ELMO1: variants seen among roughly 807,000 people sequenced by gnomAD.
ELMO1 encodes the protein engulfment and cell motility 1, also known as engulfment and cell motility protein 1.
In ELMO1, 26 loss-of-function variants were observed where a neutral mutation model predicts 98.9. The observed-to-expected ratio is 0.26, with a 90% CI of 0.19 to 0.36. The LOEUF is 0.36. ELMO1 is among the 10% of genes least tolerant of loss of function. ELMO1 has a pLI of 1.00. For missense variants in ELMO1, 627 were observed against 935.2 expected (o/e 0.67, Z 4.30); for synonymous variants, 346 against 346.0 (o/e 1.00, Z 0.00).
At chr7:37,423,861 C>A (rs1356128053) in intron 1 of ELMO1, among the ~76,000 whole-genome samples, 1 of 152,152 alleles carries the variant, frequency 6.6e-6, no homozygotes, top group Non-Finnish European at 1.5e-5. Flanking sequence ...TGCCCTCTAC[C>A]AGAGAAGTCG....
At chr7:37,162,500 T>C (rs1415653328) in intron 13 of ELMO1, among the ~76,000 whole-genome samples, 1 of 152,214 alleles carries the variant, frequency 6.6e-6, no homozygotes, top group Non-Finnish European at 1.5e-5. Context: ...GTCGTAAACA[T>C]GCATTTTCAT....
At position 37,169,504 on chromosome 7, in the gene ELMO1, T is replaced by G. The variant is rs1338125485; in HGVS notation, c.1087-36270A>C. On this transcript the variant is annotated intron_variant, in intron 13 of 21. Coordinates refer to ENST00000310758, the MANE Select transcript of ELMO1 (RefSeq NM_014800.11). ...CTTGGCTCCTCCCTGGGAAAAAATT[T>G]TTTTAACCTGCCACTTCAAATGTTC... Among the ~76,000 whole-genome samples the G allele has an allele frequency of 5.3e-5, 8 of 152,202 alleles. 1 individual carries two copies. Among genetic ancestry groups the G allele is most frequent in the Non-Finnish European group, 1.2e-4 (8 of 68,028 alleles).
At chr7:37,433,037 CTAGGGT>C in intron 1 of ELMO1, among the ~76,000 whole-genome samples, 1 of 152,162 alleles carries the variant, frequency 6.6e-6, no homozygotes, top group Non-Finnish European at 1.5e-5. Context: ...CTGTTGCCTC[CTAGGGT>C]TAGGGCATTG....
intron 14 of ELMO1, among the ~76,000 whole-genome samples, chr7:37,125,132 A>G (rs973542134): frequency 4.6e-5 from 7 of 152,180 alleles, no homozygotes; most frequent in Non-Finnish European, 5.9e-5. Flanking sequence ...TACAAAAATT[A>G]ATTCAAGATG....
intron 16 of ELMO1, among the ~76,000 whole-genome samples, chr7:36,900,814 T>G (rs1806448065): frequency 6.6e-6 from 1 of 152,122 alleles, no homozygotes; most frequent in Non-Finnish European, 1.5e-5. Flanking sequence ...TAAAAATGAC[T>G]CATGTGGGGG....
At chr7:37,240,536 AT>A (rs1794713148) in intron 7 of ELMO1, among the ~76,000 whole-genome samples, 1 of 151,058 alleles carries the variant, frequency 6.6e-6, no homozygotes, top group African/African-American at 2.4e-5. Flanking sequence ...CTTAATTCAC[AT>A]TTTTTAAAGC....
intron 1 of ELMO1, among the ~76,000 whole-genome samples, chr7:37,372,731 CA>C (rs1192762618): frequency 6.6e-6 from 1 of 152,190 alleles, no homozygotes; most frequent in African/African-American, 2.4e-5. Context: ...TACTTTCTGC[CA>C]GTCCCTTCAG....
At chr7:37,409,059 G>A (rs556450749) in intron 1 of ELMO1, among the ~76,000 whole-genome samples, 1 of 151,156 alleles carries the variant, frequency 6.6e-6, no homozygotes, top group South Asian at 2.1e-4. Context: ...AAAGCACAGA[G>A]TTCAGAACAA....
chr7:36,913,329 A>G (rs1784464867), intron 16 of ELMO1, among the ~76,000 whole-genome samples: 1 of 152,212 alleles, frequency 6.6e-6, no homozygotes, highest in Non-Finnish European at 1.5e-5. Flanking sequence ...AGGAATGTCA[A>G]CAAGGTTAGA....
chr7:37,040,056 GTA>G (rs1355086539), intron 15 of ELMO1, among the ~76,000 whole-genome samples: 2 of 152,136 alleles, frequency 1.3e-5, no homozygotes, highest in Non-Finnish European at 2.9e-5. Flanking sequence ...GTGTGTGTGT[GTA>G]TGTGTGCGGA....
intron 13 of ELMO1, among the ~76,000 whole-genome samples, chr7:37,208,914 T>C (rs1007391475): frequency 1.6e-4 from 25 of 152,186 alleles, no homozygotes; most frequent in Admixed American, 1.0e-3. Context: ...TCTCTTATGA[T>C]TATTCTCTGT....
At chr7:36,924,905 A>G (rs1463938457) in intron 16 of ELMO1, among the ~76,000 whole-genome samples, 1 of 152,182 alleles carries the variant, frequency 6.6e-6, no homozygotes, top group Non-Finnish European at 1.5e-5. Context: ...CTGTGGAGGA[A>G]AAAAAGCTGA....
intron 10 of ELMO1, among the ~76,000 whole-genome samples, chr7:37,221,445 G>A (rs1157846388): frequency 6.6e-6 from 1 of 152,156 alleles, no homozygotes; most frequent in East Asian, 1.9e-4. Flanking sequence ...GAGTGAAAGA[G>A]CTCATATTCC....
intron 1 of ELMO1, among the ~76,000 whole-genome samples, chr7:37,414,244 GA>G (rs564689844): frequency 8.4e-4 from 128 of 152,248 alleles, no homozygotes; most frequent in Admixed American, 3.4e-3. Context: ...AGGTCTGTGG[GA>G]TTGGTAATGG....
At chr7:37,281,722 C>T (rs1353293805) in intron 4 of ELMO1, among the ~76,000 whole-genome samples, 1 of 152,168 alleles carries the variant, frequency 6.6e-6, no homozygotes, top group African/African-American at 2.4e-5. Flanking sequence ...TTTTCTAAGA[C>T]TACACATGAC....
intron 8 of ELMO1, among the ~76,000 whole-genome samples, chr7:37,228,514 A>G (rs1041294736): frequency 3.3e-5 from 5 of 152,236 alleles, no homozygotes; most frequent in African/African-American, 1.2e-4. Context: ...AAGAGGAGTT[A>G]GCAGTAATTA....
chr7:36,855,311 T>C lies in ELMO1; in HGVS notation c.*240A>G, dbSNP rs561963368. On this transcript the variant is annotated 3_prime_UTR_variant, in exon 22 of 22. Coordinates refer to ENST00000310758, the MANE Select transcript of ELMO1 (RefSeq NM_014800.11). The surrounding 1 kb of genome is among the most constrained non-coding windows in gnomAD (Gnocchi z 4.2). The stretch of plus-strand genomic sequence containing the variant: ...GTGGGCTTTGCTCTTGTCCCACCAG[T>C]GGACTGCAGCCATGGGAAGTGACCT... 3.8e-5 allele frequency: 21 copies of C among 546,278 alleles called. No homozygotes were observed. In the East Asian group the frequency reaches 6.5e-4, roughly 17 times the overall value. The allele number at this position is 546,278 out of a possible 1,614,324, so 33.8% of individuals were successfully genotyped here.
At position 37,043,818 on chromosome 7, in the gene ELMO1, A is replaced by G. The variant is rs557481135; in HGVS notation, c.1301-30383T>C. ...CCCAGCACACAAGGAACTGGGGCCA[A>G]AGGCTAGCTTTGCTGCCTGCTTTAG... is the stretch of plus-strand genomic sequence containing the variant. On this transcript the variant is annotated intron_variant, in intron 15 of 21. Transcript: ENST00000310758. Among the ~76,000 whole-genome samples the G allele has an allele frequency of 2.0e-3, 306 of 152,166 alleles. 2 individuals carry two copies. The highest frequency in any genetic ancestry group is 7.2e-3 in the African/African-American group (300 of 41,512).
At chr7:37,322,788 C>T (rs1025012729) in intron 2 of ELMO1, among the ~76,000 whole-genome samples, 2 of 152,080 alleles carry the variant, frequency 1.3e-5, no homozygotes, top group African/African-American at 2.4e-5. Flanking sequence ...TACCACTACA[C>T]TCCAGCCTGG....
Sources: gnomAD v4.1 joint callset for allele counts (sites outside exome capture counted in the v4.1 genomes callset) on GRCh38, gnomAD v4.1.1 for gene constraint, Gnocchi (gnomAD v3.1) non-coding constraint, MANE v1.5 for transcripts, NCBI Gene and HGNC (gene_info 2026-07-23, HGNC 2026-07-21) for gene names.